ZNF91: variants seen among roughly 807,000 people sequenced by gnomAD.
The protein encoded by ZNF91 is zinc finger protein 91 (HPF7, HTF10).
In ZNF91, 7 loss-of-function variants were observed where a neutral mutation model predicts 12.6. The observed-to-expected ratio is 0.55, with a 90% confidence interval of 0.31 to 1.04. The LOEUF (loss-of-function observed/expected upper bound fraction) is 1.04. Ranked by LOEUF, ZNF91 falls within the 50% of genes least tolerant of loss-of-function variation. The probability of loss-of-function intolerance (pLI) is 0.05; values close to 1 mark genes in which losing one functional copy is unlikely to be tolerated. For missense variants in ZNF91, 1,217 were observed against 1,385.4 expected (o/e 0.88, Z 1.93); for synonymous variants, 453 against 462.6 (o/e 0.98, Z 0.27).
At chr19:23,323,162 TCCA>T (rs777386571) in intron 1 of ZNF91, among the ~76,000 whole-genome samples, 33 of 146,514 alleles carry the variant, frequency 2.3e-4, no homozygotes, top group East Asian at 2.1e-4. Flanking sequence ...TCTCCTCCTC[TCCA>T]CCTTTTTCTC....
chr19:23,333,439 T>C (rs1856897795), intron 1 of ZNF91, among the ~76,000 whole-genome samples: 1 of 152,240 alleles, frequency 6.6e-6, no homozygotes, highest in South Asian at 2.1e-4. Context: ...CAAGCTCAAC[T>C]GTGATAGCCT....
intron 1 of ZNF91, among the ~76,000 whole-genome samples, chr19:23,330,661 T>C (rs999586062): frequency 7.9e-5 from 12 of 150,996 alleles, no homozygotes; most frequent in African/African-American, 3.0e-4. Flanking sequence ...TTATTCCATT[T>C]CTATATGGGA....
At chr19:23,320,827 A>G (rs1253822710) in intron 1 of ZNF91, among the ~76,000 whole-genome samples, 6 of 152,206 alleles carry the variant, frequency 3.9e-5, no homozygotes, top group Non-Finnish European at 8.8e-5. Flanking sequence ...GTCCTCTCAC[A>G]TGAGCATGGC....
At chr19:23,377,539 CT>C (rs1453257422) in intron 1 of ZNF91, among the ~76,000 whole-genome samples, 1 of 152,170 alleles carries the variant, frequency 6.6e-6, no homozygotes, top group African/African-American at 2.4e-5. Flanking sequence ...AACAAGTCCC[CT>C]GTCAGTGCTG....
chr19:23,318,135 A>T (rs542794052), intron 1 of ZNF91, among the ~76,000 whole-genome samples: 6 of 152,296 alleles, frequency 3.9e-5, no homozygotes, highest in Non-Finnish European at 8.8e-5. Flanking sequence ...AGTTAATATG[A>T]GTCTACCCTT....
At chr19:23,325,905 C>T (rs904008876) in intron 1 of ZNF91, 4 of 152,202 alleles carry the variant, frequency 2.6e-5, no homozygotes, top group African/African-American at 9.7e-5. Context: ...CATCTCTTCC[C>T]TCCCTGTTGT....
chr19:23,324,276 ACTAT>A, intron 1 of ZNF91: 1 of 134,634 alleles, frequency 7.4e-6, no homozygotes, highest in Admixed American at 7.7e-5. Context: ...CTCTCTTCTT[ACTAT>A]CTTCTTCTCA....
intron 1 of ZNF91, chr19:23,380,847 T>C (rs1325476890): frequency 6.6e-6 from 1 of 151,470 alleles, no homozygotes; most frequent in African/African-American, 2.4e-5. Flanking sequence ...TATAGAAATA[T>C]ATCTGACAAC....
At chr19:23,381,765 C>T (rs1368724722) in intron 1 of ZNF91, among the ~76,000 whole-genome samples, 4 of 152,210 alleles carry the variant, frequency 2.6e-5, no homozygotes, top group Admixed American at 2.6e-4. Context: ...CAGCCATAAA[C>T]TGAACTCTTT....
In ZNF91 at chr19:23,362,505, T is replaced by C. The variant is rs200345962; in HGVS notation, c.474A>G (p.Lys158=). 8.9e-5 allele frequency: 142 copies of C among 1,602,914 alleles called. No homozygotes were observed. The highest frequency in any genetic ancestry group is 1.1e-4 in the Non-Finnish European group (135 of 1,175,812). The change falls in exon 4 of 4, where the codon AAA becomes AAG. Residue 158 remains lysine (K), a synonymous_variant. Coordinates refer to ENST00000300619, the MANE Select transcript of ZNF91 (RefSeq NM_003430.4). ...AAAATTTATAGAAGACTTTCAAATA[T>C]TTCCCACATTGAAATACTTTGCTCT... The part of the protein sequence containing the change: ...TAQSKVFQCG[K]YLKVFYKFLN...
At chr19:23,348,037 C>T (rs2145020596) in intron 3 of ZNF91, among the ~76,000 whole-genome samples, 1 of 152,324 alleles carries the variant, frequency 6.6e-6, no homozygotes, top group East Asian at 1.9e-4. Context: ...CTGCCTTCCT[C>T]AGACAAATTA....
At chr19:23,323,232 CTTCTCCTCTCCT>C (rs776975447) in intron 1 of ZNF91, among the ~76,000 whole-genome samples, 313 of 147,594 alleles carry the variant, frequency 2.1e-3, no homozygotes, top group Non-Finnish European at 3.0e-3. Context: ...TTCTCTCCTT[CTTCTCCTCTCCT>C]TTCTCCTCTC....
chr19:23,372,552 C>T (rs1051244216), intron 3 of ZNF91, among the ~76,000 whole-genome samples: 2 of 152,222 alleles, frequency 1.3e-5, no homozygotes, highest in African/African-American at 4.8e-5. Flanking sequence ...TACAGGACTA[C>T]TGTTTTTGGC....
At chr19:23,313,920 T>C (rs1259922271), upstream of ZNF91, among the ~76,000 whole-genome samples, 3 of 152,152 alleles carry the variant, frequency 2.0e-5, no homozygotes. Context: ...TTTGCTCTCA[T>C]AGCCAGAACA....
In ZNF91 at chr19:23,374,779, C is replaced by T. The variant is rs1372994221; in HGVS notation, c.31-15G>A. On this transcript the variant is annotated splice_polypyrimidine_tract_variant and intron_variant, in intron 1 of 3. Transcript: ENST00000300619. ...GTCAACAGTCCCTGAAAAACACACA[C>T]AAACACACATATTTACAAAGTGGCT... 6.8e-6 allele frequency: 11 copies of T among 1,606,664 alleles called. No individual in the cohort carries two copies. In the South Asian group the frequency reaches 9.9e-5, roughly 14 times the overall value.
chr19:23,307,169 T>C (rs1967409669), intron 3 of ZNF91: 1 of 152,176 alleles, frequency 6.6e-6, no homozygotes, highest in African/African-American at 2.4e-5. Context: ...GTTACTCTTT[T>C]TTGGTTCTGC....
At chr19:23,341,980 A>AGTAG (rs1447831998) in intron 3 of ZNF91, among the ~76,000 whole-genome samples, 1 of 152,224 alleles carries the variant, frequency 6.6e-6, no homozygotes, top group Non-Finnish European at 1.5e-5. Context: ...CTAAATAGGA[A>AGTAG]GTAGGATCCT....
At position 23,394,672 on chromosome 19, in the gene ZNF91, G is replaced by A. The variant is rs80213373; in HGVS notation, c.30+653C>T. Among the ~76,000 whole-genome samples the A allele has an allele frequency of 9.5e-3, 1,444 of 152,234 alleles. 9 individuals are homozygous for A. Among genetic ancestry groups the A allele is most frequent in the Non-Finnish European group, 0.015 (1,035 of 68,016 alleles). ...GAACCCGGAAGGCAGAGGTTGCGGT[G>A]AGCCGAGATCACGCCACTGCACTCC... On this transcript the variant is annotated intron_variant, in intron 1 of 3. Transcript: ENST00000300619.
chr19:23,324,763 G>T (rs1239978794), intron 1 of ZNF91: 1 of 151,854 alleles, frequency 6.6e-6, no homozygotes, highest in Non-Finnish European at 1.5e-5. Flanking sequence ...TTAGTGACGG[G>T]GTCTCAACAC....
Sources: gnomAD v4.1 joint callset for allele counts (sites outside exome capture counted in the v4.1 genomes callset) on GRCh38, gnomAD v4.1.1 for gene constraint, MANE v1.5 for transcripts, NCBI Gene and HGNC (gene_info 2026-07-23, HGNC 2026-07-21) for gene names.